PABPC4: variants seen among roughly 807,000 people sequenced by gnomAD.
PABPC4 encodes poly(A) binding protein cytoplasmic 4.
Under a neutral mutation model 74.5 loss-of-function variants are expected in PABPC4, and 15 were observed. The observed-to-expected ratio is 0.20, with a 90% CI of 0.13 to 0.31. The LOEUF is 0.31. PABPC4 is among the 10% of genes least tolerant of loss of function. The pLI is 1.00. For missense variants in PABPC4, 610 were observed against 853.5 expected (o/e 0.71, Z 3.55); for synonymous variants, 345 against 303.0 (o/e 1.14, Z -1.44).
chr1:39,570,930 C>T (rs1318546519), intron 3 of PABPC4, among the ~76,000 whole-genome samples: 2 of 152,264 alleles, frequency 1.3e-5, no homozygotes, highest in African/African-American at 4.8e-5. Flanking sequence ...AAGACCCCGA[C>T]TCAGAGTGAG....
chr1:39,571,367 G>A lies in PABPC4; in HGVS notation c.388-18C>T, dbSNP rs1358875836. ...CACACCACCTGTCAAAGACAAGGCG[G>A]ACCACTTTAGCAGAACTGGCCAGCT... On this transcript the variant is annotated intron_variant, in intron 2 of 15. Transcript: ENST00000372858. 4 of 1,613,728 alleles carry A rather than the reference G, an allele frequency of 2.5e-6. No homozygotes were observed. The Admixed American group carries it at 5.0e-5, about 20-fold the overall frequency.
intron 7 of PABPC4, among the ~76,000 whole-genome samples, chr1:39,566,175 G>A (rs1205808210): frequency 3.9e-5 from 6 of 152,122 alleles, no homozygotes; most frequent in Admixed American, 1.3e-4. Context: ...TAGCTACTCC[G>A]GGTAACCACA....
Position 39,565,148 on chromosome 1 carries a change from G to A in PABPC4, c.1203C>T (p.Phe401=), listed in dbSNP as rs144603203. 27 of 1,614,028 alleles carry A rather than the reference G, an allele frequency of 1.7e-5. No homozygotes were observed. In the African/African-American group the frequency reaches 3.2e-4, roughly 19 times the overall value. ...CAAAGTAGCCACCCGCTGCAGGCTGGAACTGATTTAAGATGGCATTGGCAG... is the reference window on the plus strand; with the variant it reads ...CAAAGTAGCCACCCGCTGCAGGCTGAAACTGATTTAAGATGGCATTGGCAG... ...ALPANAILNQ[F]QPAAGGYFVP... is the part of the protein sequence containing the mutation. Residue 401 remains phenylalanine (F), a synonymous_variant, in exon 8 of 16, where the codon TTC becomes TTT. Coordinates refer to ENST00000372858, the MANE Select transcript of PABPC4 (RefSeq NM_001135653.2).
intron 1 of PABPC4, 119 bp from the exon 2 acceptor site, chr1:39,572,705 CTA>C: frequency 1.4e-6 from 1 of 690,266 alleles, no homozygotes; most frequent in East Asian, 2.6e-5. Flanking sequence ...AAAGGCAACT[CTA>C]TTAAAATAAA....
Position 39,563,908 on chromosome 1 carries a change from C to A in PABPC4, c.1468G>T (p.Asp490Tyr). Residue 490 changes from aspartate (D) to tyrosine (Y), a missense_variant, in exon 11 of 16, where the codon GAC (aspartate) becomes TAC (tyrosine). By Grantham distance (160) the Asp-to-Tyr change is radical. This residue lies in a region of PABPC4 where 277 missense variants were observed against 301.8 expected (regional missense o/e 0.92). Coordinates refer to ENST00000372858, the MANE Select transcript of PABPC4 (RefSeq NM_001135653.2). ...TTQRVGSECP[D>Y]RLAMDFGGAG... ...CCACCAAAGTCCATAGCCAAGCGGTCCGGGCACTCAGACCCTACAACAGAC... is the reference window on the plus strand; with the variant it reads ...CCACCAAAGTCCATAGCCAAGCGGTACGGGCACTCAGACCCTACAACAGAC... The A allele has an allele frequency of 6.2e-7, 1 of 1,614,162 alleles. No individual in the cohort carries two copies. Among genetic ancestry groups the A allele is most frequent in the South Asian group, 1.1e-5 (1 of 91,066 alleles).
intron 12 of PABPC4, chr1:39,562,755 T>G (rs1645783367): frequency 4.4e-6 from 1 of 228,268 alleles, no homozygotes; most frequent in South Asian, 1.3e-4. Flanking sequence ...AGCCTTGATA[T>G]AAATAAGGGT....
chr1:39,571,593 CA>C (rs1445490265), intron 2 of PABPC4: 8 of 580,644 alleles, frequency 1.4e-5, no homozygotes, highest in African/African-American at 1.1e-4. Flanking sequence ...AACAAACAAA[CA>C]AAAAATACTT....
intron 4 of PABPC4, 48 bp downstream of exon 4, chr1:39,569,815 C>A (rs777148202): frequency 5.6e-6 from 9 of 1,603,180 alleles, no homozygotes; most frequent in Non-Finnish European, 6.0e-6. Context: ...TAAGAAAAAA[C>A]AGATGGGTCT....
At position 39,561,034 on chromosome 1, in the gene PABPC4, T is replaced by TAC; in HGVS notation, c.*101_*102insGT. On this transcript the variant is annotated 3_prime_UTR_variant, in exon 16 of 16. Transcript: ENST00000372858. The stretch of plus-strand genomic sequence containing the variant: ...AATGACCTATTAAATTTGCAATTTG[T>TAC]AATCCTTGGTGTTGAGGTCCATAGG... 2.4e-6 allele frequency: 1 copy of TAC among 417,286 alleles called. No individual in the cohort carries two copies. The highest frequency in any genetic ancestry group is 7.2e-5 in the East Asian group (1 of 13,848). The allele number at this position is 417,286 out of a possible 1,614,324, so 25.8% of individuals were successfully genotyped here.
chr1:39,569,204 G>A (rs1056226968), intron 5 of PABPC4, among the ~76,000 whole-genome samples: 42 of 152,124 alleles, frequency 2.8e-4, no homozygotes, highest in African/African-American at 9.7e-4. Flanking sequence ...ATAATATTCC[G>A]GCTGCCAGTA....
chr1:39,567,637 G>C, intron 7 of PABPC4, 114 bp downstream of exon 7: 1 of 717,636 alleles, frequency 1.4e-6, no homozygotes, highest in Non-Finnish European at 2.5e-6. Context: ...GAAAAACGTA[G>C]TAGCTACTTT....
At chr1:39,565,671 T>C (rs991383264) in intron 7 of PABPC4, among the ~76,000 whole-genome samples, 33 of 151,838 alleles carry the variant, frequency 2.2e-4, no homozygotes, top group Admixed American at 2.1e-3. Flanking sequence ...CTACTAAAAA[T>C]ACAAAAATCA....
Position 39,565,121 on chromosome 1 carries a change from C to T in PABPC4, c.1230G>A (p.Val410=), listed in dbSNP as rs199797142. 1.9e-6 allele frequency: 3 copies of T among 1,613,914 alleles called. No homozygotes were observed. The highest frequency in any genetic ancestry group is 4.5e-5 in the East Asian group (2 of 44,886). The change falls in exon 8 of 16, where the codon GTG becomes GTA. Residue 410 remains valine, a synonymous_variant. Coordinates refer to ENST00000372858, the MANE Select transcript of PABPC4 (RefSeq NM_001135653.2). ...QFQPAAGGYF[V]PAVPQAQGRP... is the part of the protein sequence containing the mutation. Reference sequence around the variant, plus strand: ...GCACACCCACCTGTGGGACTGCTGGCACAAAGTAGCCACCCGCTGCAGGCT... The same window carrying T: ...GCACACCCACCTGTGGGACTGCTGGTACAAAGTAGCCACCCGCTGCAGGCT...
chr1:39,564,569 T>G (rs1645808101), intron 9 of PABPC4, 27 bp from the exon 10 acceptor site: 1 of 1,613,498 alleles, frequency 6.2e-7, no homozygotes, highest in African/African-American at 1.3e-5. Context: ...TTGCACATCA[T>G]TGAGAAGTGA....
intron 1 of PABPC4, among the ~76,000 whole-genome samples, chr1:39,573,812 A>G (rs1208799091): frequency 1.3e-5 from 2 of 152,164 alleles, no homozygotes; most frequent in African/African-American, 2.4e-5. Context: ...AGAGTGAAAC[A>G]GTGTCTCAAA....
At chr1:39,562,851 C>T (rs1645784246) in intron 12 of PABPC4, 1 of 156,274 alleles carries the variant, frequency 6.4e-6, no homozygotes, top group South Asian at 2.0e-4. Context: ...GAGTAAATAT[C>T]AACACATTTA....
intron 1 of PABPC4, among the ~76,000 whole-genome samples, chr1:39,574,395 T>C (rs1264136994): frequency 6.6e-6 from 1 of 152,232 alleles, no homozygotes; most frequent in East Asian, 1.9e-4. Flanking sequence ...GTCTGACAAA[T>C]CTGGCTGCAC....
At position 39,561,018 on chromosome 1, in the gene PABPC4, T is replaced by G. The variant is rs868064239; in HGVS notation, c.*118A>C. On this transcript the variant is annotated 3_prime_UTR_variant, in exon 16 of 16. Coordinates refer to ENST00000372858, the MANE Select transcript of PABPC4 (RefSeq NM_001135653.2). ...TGACCTTTTGATACAAAATGACCTA[T>G]TAAATTTGCAATTTGTAATCCTTGG... 1.7e-5 allele frequency: 7 copies of G among 406,680 alleles called. 1 individual carries two copies. Among genetic ancestry groups the G allele is most frequent in the South Asian group, 1.3e-4 (7 of 55,906 alleles). 25.2% of individuals were successfully genotyped at this position (406,680 alleles called of 1,614,324 possible). A position where few individuals can be genotyped will look rare whatever the true frequency, so the allele number is the denominator to read the frequency against.
intron 3 of PABPC4, chr1:39,570,960 C>T: frequency 9.8e-7 from 1 of 1,015,508 alleles, no homozygotes; most frequent in Non-Finnish European, 1.3e-6. Context: ...GCTTTCCAGC[C>T]AGCCCCAGTT....
Sources: allele counts gnomAD v4.1 joint callset (sites outside exome capture counted in the v4.1 genomes callset), GRCh38; gene constraint gnomAD v4.1.1; regional missense constraint gnomAD v4.1.1; transcripts MANE v1.5; gene names NCBI Gene and HGNC (gene_info 2026-07-23, HGNC 2026-07-21).